Variants in PASD1 observed in about 807,000 individuals in gnomAD.
PASD1 encodes the protein circadian clock protein PASD1.
Under a neutral mutation model 58.8 loss-of-function variants are expected in PASD1, and 13 were observed. The ratio of observed to expected loss-of-function variants is 0.22; its 90% CI spans 0.14 to 0.35. The LOEUF (loss-of-function observed/expected upper bound fraction) is 0.35, where lower values mean the gene tolerates loss of function less well. PASD1 is among the 10% of genes least tolerant of loss of function. PASD1 has a pLI of 1.00. For missense variants in PASD1, 734 were observed against 568.3 expected, an observed-to-expected ratio of 1.29 and a Z score of -2.96; for synonymous variants, 236 against 216.7, an observed-to-expected ratio of 1.09 and a Z score of -0.78.
chrX:151,592,759 C>A (rs1177316564), intron 1 of PASD1, among the ~76,000 whole-genome samples: 1 of 111,143 alleles, frequency 9.0e-6, no homozygotes, highest in Non-Finnish European at 1.9e-5. Flanking sequence ...GATTTTAATG[C>A]TTTAAATTTA....
chrX:151,604,542 A>G (rs1473770386), intron 2 of PASD1, 104 bp from the exon 3 acceptor site: 5 of 523,782 alleles, frequency 9.5e-6, no homozygotes, highest in Non-Finnish European at 1.6e-5. Flanking sequence ...ATTTTCTCAT[A>G]AGAGTCTTTT....
chrX:151,588,186 T>G (rs1294707556), intron 1 of PASD1, among the ~76,000 whole-genome samples: 1 of 112,095 alleles, frequency 8.9e-6, no homozygotes, highest in African/African-American at 3.2e-5. Context: ...TTTCCTTTGC[T>G]TGAGCAATTG....
intron 1 of PASD1, among the ~76,000 whole-genome samples, chrX:151,573,412 A>T (rs1476786541): frequency 8.9e-6 from 1 of 112,061 alleles, no homozygotes; most frequent in African/African-American, 3.2e-5. Flanking sequence ...ATTTTTCACA[A>T]TTTTCAACTA....
rs1271237459 is a variant in PASD1 at position 151,621,462 on chromosome X, A to G, written c.308-20A>G. The stretch of plus-strand genomic sequence containing the variant: ...AAGTACAAATGTAGACTTGTTTTGT[A>G]TTTCTTCTCTTTTTACTAGAAACAC... On this transcript the variant is annotated intron_variant, in intron 5 of 15. Coordinates refer to ENST00000370357, the MANE Select transcript of PASD1 (RefSeq NM_173493.3). 6.3e-6 allele frequency: 7 copies of G among 1,114,997 alleles called. No homozygotes were observed. Among genetic ancestry groups the G allele is most frequent in the Non-Finnish European group, 8.6e-6 (7 of 815,962 alleles). The allele number at this position is 1,114,997 out of a possible 1,213,427, so 91.9% of individuals were successfully genotyped here. A position where few individuals can be genotyped will look rare whatever the true frequency, so the allele number is the denominator to read the frequency against.
intron 1 of PASD1, among the ~76,000 whole-genome samples, chrX:151,597,180 T>C (rs1164313575): frequency 8.9e-6 from 1 of 112,027 alleles, no homozygotes; most frequent in Non-Finnish European, 1.9e-5. Context: ...TAAAATAGAT[T>C]GGGTAATTTC....
chrX:151,575,854 A>G (rs779017753), intron 1 of PASD1, among the ~76,000 whole-genome samples: 22 of 108,197 alleles, frequency 2.0e-4, no homozygotes, highest in African/African-American at 7.4e-4. Context: ...TTTTAAAATT[A>G]TTTTTATTTT....
Position 151,672,359 on chromosome X carries a change from AAAG to A in PASD1, c.1624_1626del (p.Lys542del), listed in dbSNP as rs769024657. On this transcript the variant is annotated inframe_deletion, in exon 14 of 16. Coordinates refer to ENST00000370357, the MANE Select transcript of PASD1 (RefSeq NM_173493.3). ...AGAAGCTGCAGGAGCAGAGGCGGCA[AAAG>A]AAGAAGAAGCTACAGGAGCGGAAGA... 14 of 1,194,895 alleles carry A rather than the reference AAAG, an allele frequency of 1.2e-5. No homozygotes were observed. Among genetic ancestry groups the A allele is most frequent in the South Asian group, 1.8e-5 (1 of 54,988 alleles).
chrX:151,582,726 C>G (rs951540710), intron 1 of PASD1, among the ~76,000 whole-genome samples: 1 of 111,599 alleles, frequency 9.0e-6, no homozygotes, highest in Non-Finnish European at 1.9e-5. Flanking sequence ...TCACTCCTTG[C>G]TATAGACCAG....
chrX:151,612,064 C>T (rs1385794908), intron 4 of PASD1, among the ~76,000 whole-genome samples: 5 of 96,014 alleles, frequency 5.2e-5, no homozygotes, highest in African/African-American at 1.5e-4. Flanking sequence ...TGAGAACATG[C>T]GGTGTTTGGT....
At chrX:151,650,667 C>T (rs1395927421) in intron 9 of PASD1, among the ~76,000 whole-genome samples, 2 of 111,587 alleles carry the variant, frequency 1.8e-5, no homozygotes, top group Non-Finnish European at 3.8e-5. Context: ...AACTTGCCTA[C>T]CTGAAACGGG....
At chrX:151,672,870 G>C in intron 14 of PASD1, 2 of 537,359 alleles carry the variant, frequency 3.7e-6, no homozygotes, top group Non-Finnish European at 5.7e-6. Flanking sequence ...TCCATTGATG[G>C]AACAAAGGGG....
intron 8 of PASD1, among the ~76,000 whole-genome samples, chrX:151,632,886 AG>A (rs1295954499): frequency 2.7e-5 from 3 of 110,629 alleles, no homozygotes; most frequent in Non-Finnish European, 5.7e-5. Flanking sequence ...AAAAAAAAAA[AG>A]AAATAAGATC....
intron 8 of PASD1, among the ~76,000 whole-genome samples, chrX:151,642,355 A>G (rs1322876517): frequency 3.0e-5 from 3 of 100,722 alleles, no homozygotes; most frequent in African/African-American, 9.9e-5. Flanking sequence ...TGGATCCCTT[A>G]TCTATTCAGT....
chrX:151,628,838 CTGTT>C (rs1328587773), intron 8 of PASD1, among the ~76,000 whole-genome samples: 1 of 111,662 alleles, frequency 9.0e-6, no homozygotes, highest in Non-Finnish European at 1.9e-5. Context: ...GAATGTTCTT[CTGTT>C]TGTTTGTATC....
intron 8 of PASD1, among the ~76,000 whole-genome samples, chrX:151,627,769 G>A (rs2013809890): frequency 8.9e-6 from 1 of 111,800 alleles, no homozygotes; most frequent in African/African-American, 3.3e-5. Context: ...AGATCCTTGA[G>A]GAATTGCCAC....
intron 12 of PASD1, 83 bp from the exon 13 acceptor site, chrX:151,671,490 C>T (rs918647442): frequency 4.6e-6 from 5 of 1,081,290 alleles, no homozygotes; most frequent in East Asian, 3.0e-5. Flanking sequence ...TGTGGGCAGT[C>T]CTGCTCCATG....
Position 151,667,347 on chromosome X carries a change from T to C in PASD1, c.1071+2999T>C, listed in dbSNP as rs1410593557. On this transcript the variant is annotated intron_variant, in intron 11 of 15. Transcript: ENST00000370357. ...TCTGTAGGTTGCCTGTTCACTCTGA[T>C]GGTAGTTTCTTTTGCTGTGCAGAAG... Among the ~76,000 whole-genome samples, 5 of 111,689 alleles carry C rather than the reference T, an allele frequency of 4.5e-5. No individual in the cohort carries two copies. In the East Asian group the frequency reaches 1.4e-3, roughly 32 times the overall value.
intron 13 of PASD1, 33 bp from the exon 14 acceptor site, chrX:151,672,150 C>A: frequency 8.8e-7 from 1 of 1,131,816 alleles, no homozygotes; most frequent in Non-Finnish European, 1.2e-6. Context: ...TTGCAGACAC[C>A]AGGGTGCTTT....
chrX:151,614,833 A>G (rs2124265282), intron 4 of PASD1, among the ~76,000 whole-genome samples: 1 of 111,506 alleles, frequency 9.0e-6, no homozygotes, highest in East Asian at 2.8e-4. Context: ...GAGTCCTTAT[A>G]CCCTTTTAAA....
Sources: allele counts gnomAD v4.1 joint callset (sites outside exome capture counted in the v4.1 genomes callset), GRCh38; gene constraint gnomAD v4.1.1; transcripts MANE v1.5; gene names NCBI Gene and HGNC (gene_info 2026-07-23, HGNC 2026-07-21).